GPR137C: variants seen among roughly 807,000 people sequenced by gnomAD.
GPR137C encodes the protein G protein-coupled receptor 137C.
In GPR137C, 27 loss-of-function variants were observed where a neutral mutation model predicts 43.4. The ratio of observed to expected loss-of-function variants is 0.62; its 90% CI spans 0.46 to 0.86. The LOEUF (loss-of-function observed/expected upper bound fraction) is 0.86, where lower values mean the gene tolerates loss of function less well. GPR137C is among the 40% of genes least tolerant of loss of function. GPR137C has a pLI of 0.00. For missense variants in GPR137C, 522 were observed against 534.6 expected, an observed-to-expected ratio of 0.98 and a Z score of 0.23; for synonymous variants, 285 against 226.9, an observed-to-expected ratio of 1.26 and a Z score of -2.30.
chr14:52,572,536 A>G lies in GPR137C; in HGVS notation c.444+18945A>G, dbSNP rs148249119. Among the ~76,000 whole-genome samples the G allele has an allele frequency of 6.3e-3, 956 of 152,314 alleles. 5 individuals carry two copies. The highest frequency in any genetic ancestry group is 0.021 in the African/African-American group (887 of 41,564). On this transcript the variant is annotated intron_variant, in intron 1 of 6. Coordinates refer to ENST00000321662, the MANE Select transcript of GPR137C (RefSeq NM_001099652.2). ...AATAGATGCAGAAAAGGTCTTTGAT[A>G]AAATTCAACACCCCTTCAAGCTAAA...
At chr14:52,559,455 GATC>G (rs1169900247) in intron 1 of GPR137C, among the ~76,000 whole-genome samples, 1 of 152,144 alleles carries the variant, frequency 6.6e-6, no homozygotes, top group African/African-American at 2.4e-5. Flanking sequence ...AAAATCATAT[GATC>G]ATCTCAATAG....
chr14:52,624,690 C>T (rs544895933), intron 3 of GPR137C, among the ~76,000 whole-genome samples: 8 of 149,438 alleles, frequency 5.4e-5, no homozygotes, highest in Admixed American at 4.7e-4. Flanking sequence ...TGCCACTGCA[C>T]TCCATCCAAC....
chr14:52,558,522 T>C (rs1170545269), intron 1 of GPR137C, among the ~76,000 whole-genome samples: 1 of 152,126 alleles, frequency 6.6e-6, no homozygotes, highest in African/African-American at 2.4e-5. Context: ...CATAAAGTTA[T>C]CCTTGCTTGA....
intron 3 of GPR137C, among the ~76,000 whole-genome samples, chr14:52,620,297 C>G (rs2039145591): frequency 6.6e-6 from 1 of 151,858 alleles, no homozygotes; most frequent in South Asian, 2.1e-4. Flanking sequence ...TAAAGTCTGT[C>G]AAAATTTTAT....
At chr14:52,554,012 A>C (rs1006416477) in intron 1 of GPR137C, among the ~76,000 whole-genome samples, 4 of 152,136 alleles carry the variant, frequency 2.6e-5, no homozygotes, top group Admixed American at 1.3e-4. Flanking sequence ...CTGAAGCTGG[A>C]CTGCTGCCAG....
chr14:52,625,953 C>T (rs901703713), intron 3 of GPR137C, among the ~76,000 whole-genome samples: 2 of 152,118 alleles, frequency 1.3e-5, no homozygotes, highest in Admixed American at 6.5e-5. Context: ...ACAGGTCCTA[C>T]ATCCGTGGAT....
In GPR137C at chr14:52,594,693, T is replaced by C. The variant is rs550670871; in HGVS notation, c.445-3579T>C. The stretch of plus-strand genomic sequence containing the variant: ...TGGTAGATCTTCCTCCATCCCTTTT[T>C]TTTGAGTCTATGTGTGTCTCTGCAC... On this transcript the variant is annotated intron_variant, in intron 1 of 6. Coordinates refer to ENST00000321662, the MANE Select transcript of GPR137C (RefSeq NM_001099652.2). Among the ~76,000 whole-genome samples the C allele has an allele frequency of 2.8e-3, 420 of 152,298 alleles. 2 individuals carry two copies. The highest frequency in any genetic ancestry group is 9.5e-3 in the African/African-American group (396 of 41,564).
chr14:52,575,459 C>A (rs1328939872), intron 1 of GPR137C, among the ~76,000 whole-genome samples: 3 of 152,110 alleles, frequency 2.0e-5, no homozygotes, highest in African/African-American at 7.2e-5. Context: ...AGTTACCTAA[C>A]AATCTGAAAA....
chr14:52,565,940 GGTTA>G (rs2038363222), intron 1 of GPR137C, among the ~76,000 whole-genome samples: 1 of 152,092 alleles, frequency 6.6e-6, no homozygotes, highest in Non-Finnish European at 1.5e-5. Flanking sequence ...TTTGTAAAGT[GGTTA>G]GTCTCAGTGA....
chr14:52,601,475 ATTATG>A (rs2139529263), intron 3 of GPR137C, among the ~76,000 whole-genome samples: 1 of 141,928 alleles, frequency 7.0e-6, no homozygotes, highest in East Asian at 2.3e-4. Flanking sequence ...TGGGGGAGAT[ATTATG>A]TGTGTGTGTG....
intron 3 of GPR137C, among the ~76,000 whole-genome samples, chr14:52,608,793 T>G (rs2039009122): frequency 6.6e-6 from 1 of 152,148 alleles, no homozygotes; most frequent in African/African-American, 2.4e-5. Context: ...AGAAGTCTGC[T>G]GCCAGGTGTA....
At chr14:52,589,242 T>G (rs188764426) in intron 1 of GPR137C, among the ~76,000 whole-genome samples, 58 of 151,964 alleles carry the variant, frequency 3.8e-4, no homozygotes, top group African/African-American at 1.3e-3. Flanking sequence ...GAATGGGGAG[T>G]TGTTGTTTAA....
At chr14:52,613,710 C>A in intron 3 of GPR137C, 1 of 274,284 alleles carries the variant, frequency 3.6e-6, no homozygotes, top group Non-Finnish European at 7.4e-6. Flanking sequence ...GAATAGTACT[C>A]CATTGTGTGT....
rs141788917 is a variant in GPR137C at position 52,636,020 on chromosome 14, A to G, written c.*905A>G. The G allele has an allele frequency of 6.6e-6, 1 of 152,284 alleles. No homozygotes were observed. Among genetic ancestry groups the G allele is most frequent in the Non-Finnish European group, 1.5e-5 (1 of 67,990 alleles). 9.4% of individuals were successfully genotyped at this position (152,284 alleles called of 1,614,324 possible). ...CAAAAGCATTTGATTTCTCTGAAGC[A>G]TGATATAGCTGGTCTTACCTAGTGA... On this transcript the variant is annotated 3_prime_UTR_variant, in exon 7 of 7. Coordinates refer to ENST00000321662, the MANE Select transcript of GPR137C (RefSeq NM_001099652.2).
At chr14:52,610,868 A>G (rs537563694) in intron 3 of GPR137C, among the ~76,000 whole-genome samples, 1 of 152,226 alleles carries the variant, frequency 6.6e-6, no homozygotes, top group Non-Finnish European at 1.5e-5. Context: ...AAGTCTGACC[A>G]TAGGTCTCTG....
At chr14:52,614,211 C>T (rs1490921987) in intron 3 of GPR137C, among the ~76,000 whole-genome samples, 2 of 151,752 alleles carry the variant, frequency 1.3e-5, no homozygotes, top group Non-Finnish European at 2.9e-5. Context: ...GCCTCAACCT[C>T]CTGGGCTCAA....
intron 1 of GPR137C, among the ~76,000 whole-genome samples, chr14:52,570,673 C>CA (rs1262512975): frequency 4.0e-5 from 6 of 151,130 alleles, no homozygotes; most frequent in South Asian, 2.1e-4. Context: ...AAATGGAAAG[C>CA]AAAAAAAAGC....
At chr14:52,579,673 T>C (rs2038615634) in intron 1 of GPR137C, among the ~76,000 whole-genome samples, 1 of 152,178 alleles carries the variant, frequency 6.6e-6, no homozygotes, top group African/African-American at 2.4e-5. Flanking sequence ...AGGGAAAAGA[T>C]ACATAAAGCC....
At chr14:52,619,140 C>G (rs1397409739) in intron 3 of GPR137C, among the ~76,000 whole-genome samples, 1 of 152,176 alleles carries the variant, frequency 6.6e-6, no homozygotes, top group Non-Finnish European at 1.5e-5. Flanking sequence ...GAGACAGCAT[C>G]AGCCTTTTTC....
Sources: gnomAD v4.1 joint callset for allele counts (sites outside exome capture counted in the v4.1 genomes callset) on GRCh38, gnomAD v4.1.1 for gene constraint, MANE v1.5 for transcripts, NCBI Gene and HGNC (gene_info 2026-07-23, HGNC 2026-07-21) for gene names.